IPO7: variants seen among roughly 807,000 people sequenced by gnomAD.
IPO7 encodes the protein importin-7.
A neutral mutation model predicts 136.4 loss-of-function variants in IPO7; 13 were observed. The observed-to-expected ratio is 0.10, with a 90% CI of 0.06 to 0.15. IPO7 has a LOEUF of 0.15. Among genes scored for constraint, IPO7 ranks in the 10% least tolerant of loss-of-function variants. IPO7 has a pLI of 1.00. For synonymous variants in IPO7, 403 were observed against 404.4 expected, an observed-to-expected ratio of 1.00 and a Z score of 0.04; for missense variants, 857 against 1,240.6, an observed-to-expected ratio of 0.69 and a Z score of 4.65.
intron 24 of IPO7, among the ~76,000 whole-genome samples, chr11:9,444,055 A>G (rs1855494714): frequency 6.6e-6 from 1 of 152,110 alleles, no homozygotes; most frequent in Admixed American, 6.6e-5. Context: ...CTGGCGGATT[A>G]CTTGAGGTCA....
chr11:9,426,604 G>A (rs925114195), intron 12 of IPO7, among the ~76,000 whole-genome samples: 3 of 152,176 alleles, frequency 2.0e-5, no homozygotes, highest in South Asian at 2.1e-4. Flanking sequence ...ATTTCTGCCA[G>A]CAGTATATTT....
chr11:9,390,808 C>G (rs79580154), intron 1 of IPO7, among the ~76,000 whole-genome samples: 1,804 of 152,132 alleles, frequency 0.012, 33 homozygotes, highest in African/African-American at 0.042. Flanking sequence ...CTCGCTCTGT[C>G]ACCCAGGCTG....
intron 1 of IPO7, among the ~76,000 whole-genome samples, chr11:9,387,685 G>A (rs1854570474): frequency 6.6e-6 from 1 of 151,900 alleles, no homozygotes; most frequent in South Asian, 2.1e-4. Context: ...TACAAAATTA[G>A]CTGGGCGCGG....
chr11:9,436,692 G>GT (rs796194255), intron 20 of IPO7, among the ~76,000 whole-genome samples: 19 of 147,518 alleles, frequency 1.3e-4, no homozygotes, highest in African/African-American at 2.5e-4. Flanking sequence ...TTTGTTTTTT[G>GT]TTTTTTTTGA....
chr11:9,447,288 A>T lies in IPO7; in HGVS notation c.*2094A>T, dbSNP rs1403159003. On this transcript the variant is annotated 3_prime_UTR_variant, in exon 25 of 25. Coordinates refer to ENST00000379719, the MANE Select transcript of IPO7 (RefSeq NM_006391.3). Reference sequence around the variant, plus strand: ...ATTTGCTGAGGTTTTGTTTCAAGAAAATGTATTGGCATGTCTTTGAGAACA... The same window carrying T: ...ATTTGCTGAGGTTTTGTTTCAAGAATATGTATTGGCATGTCTTTGAGAACA... 1 of 152,160 alleles carries T rather than the reference A, an allele frequency of 6.6e-6. No homozygotes were observed. Among genetic ancestry groups the T allele is most frequent in the Non-Finnish European group, 1.5e-5 (1 of 68,008 alleles). The allele number at this position is 152,160 out of a possible 1,614,324, so 9.4% of individuals were successfully genotyped here. A position where few individuals can be genotyped will look rare whatever the true frequency, so the allele number is the denominator to read the frequency against.
chr11:9,395,951 G>A (rs1184763795), intron 1 of IPO7, among the ~76,000 whole-genome samples: 2 of 151,256 alleles, frequency 1.3e-5, no homozygotes. Context: ...TCGAACTCCT[G>A]ACCTCAGGTG....
intron 2 of IPO7, among the ~76,000 whole-genome samples, chr11:9,406,909 G>A (rs1315362139): frequency 6.6e-6 from 1 of 152,058 alleles, no homozygotes; most frequent in African/African-American, 2.4e-5. Flanking sequence ...TGGAATAATT[G>A]AATGAGATTT....
Position 9,433,576 on chromosome 11 carries a change from C to G in IPO7, c.1888C>G (p.Gln630Glu). The change falls in exon 17 of 25, where the codon CAA becomes GAA. Residue 630 changes from glutamine to glutamate, a missense_variant. Coordinates refer to ENST00000379719, the MANE Select transcript of IPO7 (RefSeq NM_006391.3). ...TTTTTTTCTTCTCTTTTAGATAACC[C>G]AACAGCTTGAGGGAATCTGCTTACA... ...SVVEDHKEIT[Q>E]QLEGICLQVI... The G allele has an allele frequency of 6.2e-7, 1 of 1,611,498 alleles. No individual in the cohort carries two copies. The highest frequency in any genetic ancestry group is 8.5e-7 in the Non-Finnish European group (1 of 1,179,428).
chr11:9,427,272 T>G (rs1855224578), intron 12 of IPO7, among the ~76,000 whole-genome samples: 1 of 152,132 alleles, frequency 6.6e-6, no homozygotes, highest in Admixed American at 6.6e-5. Context: ...TATCTTTTCG[T>G]TTTTTGGAAA....
At chr11:9,419,177 G>A (rs868327981) in intron 6 of IPO7, among the ~76,000 whole-genome samples, 22 of 152,282 alleles carry the variant, frequency 1.4e-4, no homozygotes, top group Admixed American at 4.6e-4. Flanking sequence ...CAAAGTGGCT[G>A]TAGCATTGCT....
At chr11:9,440,721 C>T (rs1021140197) in intron 23 of IPO7, 60 bp downstream of exon 23, 1 of 1,331,152 alleles carries the variant, frequency 7.5e-7, no homozygotes, top group African/African-American at 1.4e-5. Flanking sequence ...TAGTTTCTGC[C>T]TGCCCTTTAA....
chr11:9,434,695 A>C (rs1278159589), intron 18 of IPO7, among the ~76,000 whole-genome samples: 1 of 152,128 alleles, frequency 6.6e-6, no homozygotes, highest in Non-Finnish European at 1.5e-5. Flanking sequence ...TGGGTGGCTG[A>C]GGTGGGAGGA....
intron 2 of IPO7, among the ~76,000 whole-genome samples, chr11:9,406,058 A>G (rs1025764863): frequency 4.0e-5 from 3 of 74,764 alleles, no homozygotes; most frequent in Non-Finnish European, 5.4e-5. Flanking sequence ...CCATCTAATT[A>G]TTTTATTTTG....
intron 3 of IPO7, among the ~76,000 whole-genome samples, chr11:9,408,949 T>A (rs1156375522): frequency 6.6e-6 from 1 of 151,810 alleles, no homozygotes; most frequent in Non-Finnish European, 1.5e-5. Context: ...CCTGACCTCG[T>A]GATCCAACTG....
intron 1 of IPO7, among the ~76,000 whole-genome samples, chr11:9,394,764 T>C (rs2133721873): frequency 6.6e-6 from 1 of 152,316 alleles, no homozygotes; most frequent in South Asian, 2.1e-4. Flanking sequence ...TCTTTTTTTC[T>C]CCATAGTGTC....
Position 9,446,297 on chromosome 11 carries a change from C to T in IPO7, c.*1103C>T, listed in dbSNP as rs1450255847. 1.3e-5 allele frequency: 2 copies of T among 152,126 alleles called. No individual in the cohort carries two copies. The highest frequency in any genetic ancestry group is 2.9e-5 in the Non-Finnish European group (2 of 68,018). 9.4% of individuals were successfully genotyped at this position (152,126 alleles called of 1,614,324 possible). On this transcript the variant is annotated 3_prime_UTR_variant, in exon 25 of 25. Transcript: ENST00000379719. ...TTTCCTCATTGGCCTGTTTTTAATC[C>T]TGTGCCTAGAAGGAGTACAAAATGC...
At chr11:9,424,169 A>C (rs1855171416) in intron 10 of IPO7, among the ~76,000 whole-genome samples, 1 of 152,208 alleles carries the variant, frequency 6.6e-6, no homozygotes. Context: ...TTTGGATCTT[A>C]TGTTAGCCAT....
chr11:9,412,109 A>C (rs959440675), intron 4 of IPO7, among the ~76,000 whole-genome samples: 1 of 152,244 alleles, frequency 6.6e-6, no homozygotes, highest in Admixed American at 6.5e-5. Flanking sequence ...ATAACCTTTT[A>C]AAATGTATGC....
At chr11:9,393,396 T>G (rs1313703229) in intron 1 of IPO7, among the ~76,000 whole-genome samples, 1 of 152,208 alleles carries the variant, frequency 6.6e-6, no homozygotes, top group African/African-American at 2.4e-5. Flanking sequence ...TTTCTTTTTT[T>G]CTTGAGACGG....
Sources: allele counts gnomAD v4.1 joint callset (sites outside exome capture counted in the v4.1 genomes callset), GRCh38; gene constraint gnomAD v4.1.1; transcripts MANE v1.5; gene names NCBI Gene and HGNC (gene_info 2026-07-23, HGNC 2026-07-21).